NRG1: variants seen among roughly 807,000 people sequenced by gnomAD.
NRG1 encodes the protein pro-neuregulin-1, membrane-bound isoform.
Under a neutral mutation model 63.8 loss-of-function variants are expected in NRG1, and 18 were observed. The ratio of observed to expected loss-of-function variants is 0.28; its 90% CI spans 0.19 to 0.42. The LOEUF is 0.42. NRG1 is among the 10% of genes least tolerant of loss of function. The pLI, the probability that NRG1 is intolerant of heterozygous loss-of-function variation, is 1.00. For missense variants in NRG1, 762 were observed against 814.7 expected (o/e 0.94, Z 0.79); for synonymous variants, 302 against 301.3 (o/e 1.00, Z -0.02).
At position 32,404,585 on chromosome 8, in the gene NRG1, CTTT is replaced by C. The variant is rs35437908; in HGVS notation, c.38-191226_38-191224del. On this transcript the variant is annotated intron_variant, in intron 1 of 10. Coordinates refer to the NRG1 transcript ENST00000519301. ...AAACTCATTCTGTTTTCTTCTTCAT[CTTT>C]TTTTTTTTTTTTTTTTAATGGAGTC... Among the ~76,000 whole-genome samples the C allele has an allele frequency of 6.6e-3, 771 of 116,922 alleles. 13 individuals are homozygous for C. The highest frequency in any genetic ancestry group is 0.024 in the African/African-American group (730 of 30,926). The allele number at this position is 116,922 out of a possible 152,430, so 76.7% of individuals were successfully genotyped here. A position where few individuals can be genotyped will look rare whatever the true frequency, so the allele number is the denominator to read the frequency against.
intron 1 of NRG1, among the ~76,000 whole-genome samples, chr8:31,862,250 G>A (rs1828534207): frequency 6.6e-6 from 1 of 152,148 alleles, no homozygotes; most frequent in African/African-American, 2.4e-5. Flanking sequence ...TGTATCAGGA[G>A]AAAAGTTGGG....
At chr8:32,773,137 T>G (rs1287397388) in intron 7 of NRG1, among the ~76,000 whole-genome samples, 1 of 152,164 alleles carries the variant, frequency 6.6e-6, no homozygotes, top group Non-Finnish European at 1.5e-5. Flanking sequence ...TAGAAAGAAT[T>G]TAGAGAAATT....
chr8:32,631,514 G>T (rs537065718), intron 5 of NRG1, among the ~76,000 whole-genome samples: 10 of 152,266 alleles, frequency 6.6e-5, no homozygotes, highest in African/African-American at 2.4e-4. Flanking sequence ...AATGCATCTG[G>T]TTTCCTGTAA....
intron 1 of NRG1, among the ~76,000 whole-genome samples, chr8:32,021,735 T>C (rs988656312): frequency 1.3e-5 from 2 of 152,210 alleles, no homozygotes; most frequent in African/African-American, 4.8e-5. Context: ...AATATTTTAT[T>C]AACTCAAATT....
intron 5 of NRG1, among the ~76,000 whole-genome samples, chr8:32,693,906 T>C (rs1313430636): frequency 6.6e-6 from 1 of 152,206 alleles, no homozygotes; most frequent in East Asian, 1.9e-4. Flanking sequence ...CCCTCTAATT[T>C]TGAGAAAGAG....
At chr8:32,638,674 T>C (rs1851783581) in intron 5 of NRG1, among the ~76,000 whole-genome samples, 2 of 152,170 alleles carry the variant, frequency 1.3e-5, no homozygotes, top group South Asian at 4.1e-4. Flanking sequence ...TAGCAACCTA[T>C]TGTATAATTT....
intron 5 of NRG1, chr8:32,648,421 G>T (rs1470811944): frequency 6.3e-7 from 1 of 1,597,210 alleles, no homozygotes; most frequent in Non-Finnish European, 8.5e-7. Flanking sequence ...TGATGATGAT[G>T]AATAAAAGGG....
At chr8:32,513,713 A>G (rs1588064133) in intron 1 of NRG1, among the ~76,000 whole-genome samples, 1 of 152,210 alleles carries the variant, frequency 6.6e-6, no homozygotes, top group Non-Finnish European at 1.5e-5. Context: ...ATTTTTATAT[A>G]TATCAGTGAA....
At chr8:32,553,224 G>A (rs908565114) in intron 1 of NRG1, among the ~76,000 whole-genome samples, 3 of 152,086 alleles carry the variant, frequency 2.0e-5, no homozygotes, top group South Asian at 2.1e-4. Flanking sequence ...GTTTCATGAA[G>A]CTTAAAGGAA....
chr8:32,240,571 A>C (rs969749393), intron 1 of NRG1, among the ~76,000 whole-genome samples: 3 of 152,168 alleles, frequency 2.0e-5, no homozygotes, highest in African/African-American at 7.2e-5. Flanking sequence ...ATGAGTGCAT[A>C]TAAGACCAGA....
chr8:32,100,024 CTG>C (rs1454263303), intron 1 of NRG1, among the ~76,000 whole-genome samples: 1 of 151,990 alleles, frequency 6.6e-6, no homozygotes, highest in Non-Finnish European at 1.5e-5. Context: ...GAGGTTGAGT[CTG>C]TGAATGAGAA....
chr8:32,395,235 T>C (rs763541661), intron 1 of NRG1, among the ~76,000 whole-genome samples: 3 of 152,196 alleles, frequency 2.0e-5, no homozygotes, highest in African/African-American at 4.8e-5. Flanking sequence ...AGTTTATTCA[T>C]GTAAGATCAA....
chr8:32,491,386 T>C lies in NRG1; in HGVS notation c.38-104442T>C, dbSNP rs1034483013. Among the ~76,000 whole-genome samples the C allele has an allele frequency of 2.0e-5, 3 of 152,230 alleles. No homozygotes were observed. In the East Asian group the frequency reaches 5.8e-4, roughly 29 times the overall value. ...ATGCTTATAAAAATTACTATTTTAA[T>C]AAATTTCCCAGTCAATCCTATTGTG... On this transcript the variant is annotated intron_variant, in intron 1 of 10. Coordinates refer to the NRG1 transcript ENST00000519301.
intron 1 of NRG1, among the ~76,000 whole-genome samples, chr8:32,265,985 G>A (rs917116394): frequency 5.3e-5 from 8 of 152,258 alleles, no homozygotes; most frequent in African/African-American, 7.2e-5. Flanking sequence ...ATACTACGCC[G>A]TTTTACATCA....
chr8:31,909,467 A>G (rs1371546800), intron 1 of NRG1, among the ~76,000 whole-genome samples: 1 of 152,174 alleles, frequency 6.6e-6, no homozygotes, highest in Admixed American at 6.5e-5. Flanking sequence ...AGTTGTCTCC[A>G]TATGAAACAG....
intron 1 of NRG1, among the ~76,000 whole-genome samples, chr8:32,126,952 A>G (rs1319216156): frequency 1.3e-5 from 2 of 151,778 alleles, no homozygotes; most frequent in African/African-American, 4.8e-5. Context: ...CAAATCCTCC[A>G]CAGTCATCTC....
intron 5 of NRG1, among the ~76,000 whole-genome samples, chr8:32,691,344 C>T (rs1381263065): frequency 6.6e-6 from 1 of 152,140 alleles, no homozygotes; most frequent in Non-Finnish European, 1.5e-5. Context: ...CAGTGCCAGA[C>T]TCCGTCTCAA....
intron 1 of NRG1, among the ~76,000 whole-genome samples, chr8:31,863,838 G>A (rs1350113107): frequency 2.6e-5 from 4 of 152,024 alleles, no homozygotes; most frequent in African/African-American, 9.7e-5. Context: ...ATATTATACT[G>A]GGCGCTCTCA....
At chr8:31,642,577 A>T (rs182607601) in intron 1 of NRG1, among the ~76,000 whole-genome samples, 9 of 152,120 alleles carry the variant, frequency 5.9e-5, no homozygotes, top group South Asian at 2.1e-4. Flanking sequence ...AGGGGAAAAA[A>T]CTTCATTGAA....
Sources: allele counts gnomAD v4.1 joint callset (sites outside exome capture counted in the v4.1 genomes callset), GRCh38; gene constraint gnomAD v4.1.1; transcripts MANE v1.5; gene names NCBI Gene and HGNC (gene_info 2026-07-23, HGNC 2026-07-21).